The following MACROD2 variants were observed in gnomAD, a reference collection of about 807,000 sequenced individuals.
MACROD2 encodes mono-ADP ribosylhydrolase 2.
In MACROD2, 36 loss-of-function variants were observed where a neutral mutation model predicts 70.4. The observed-to-expected ratio is 0.51, with a 90% CI of 0.39 to 0.68. The LOEUF is 0.68. Among genes scored for constraint, MACROD2 ranks in the 30% least tolerant of loss-of-function variants. The pLI, the probability that MACROD2 is intolerant of heterozygous loss-of-function variation, is 0.00. For synonymous variants in MACROD2, 172 were observed against 178.8 expected (o/e 0.96, Z 0.30); for missense variants, 496 against 538.4 (o/e 0.92, Z 0.78).
intron 5 of MACROD2, among the ~76,000 whole-genome samples, chr20:15,202,844 G>A (rs1458897297): frequency 6.6e-6 from 1 of 152,084 alleles, no homozygotes; most frequent in Non-Finnish European, 1.5e-5. Flanking sequence ...AAAGTCAGAA[G>A]AGCAAAATGA....
chr20:15,192,601 A>G (rs2076579396), intron 5 of MACROD2, among the ~76,000 whole-genome samples: 1 of 152,148 alleles, frequency 6.6e-6, no homozygotes, highest in Non-Finnish European at 1.5e-5. Flanking sequence ...ATACTCAGGG[A>G]TCCCATTATC....
chr20:14,726,146 A>G (rs1480204494), intron 5 of MACROD2, among the ~76,000 whole-genome samples: 3 of 152,208 alleles, frequency 2.0e-5, no homozygotes, highest in African/African-American at 7.2e-5. Context: ...ATATTAACCA[A>G]TGGCTCAGTA....
At chr20:14,234,737 G>A (rs2081853466) in intron 3 of MACROD2, among the ~76,000 whole-genome samples, 1 of 152,064 alleles carries the variant, frequency 6.6e-6, no homozygotes, top group South Asian at 2.1e-4. Context: ...ACACACACAT[G>A]CATACAGACT....
chr20:15,333,757 A>G (rs2078018775), intron 6 of MACROD2, among the ~76,000 whole-genome samples: 1 of 151,628 alleles, frequency 6.6e-6, no homozygotes, highest in Non-Finnish European at 1.5e-5. Flanking sequence ...ACGATGTTCA[A>G]TATCCATTAG....
chr20:15,160,885 A>G (rs2076343628), intron 5 of MACROD2, among the ~76,000 whole-genome samples: 1 of 152,168 alleles, frequency 6.6e-6, no homozygotes, highest in Admixed American at 6.6e-5. Flanking sequence ...CCATGTGCCC[A>G]GAACCTATCT....
chr20:14,154,421 C>G (rs1228386265), intron 3 of MACROD2, among the ~76,000 whole-genome samples: 1 of 146,152 alleles, frequency 6.8e-6, no homozygotes, highest in Non-Finnish European at 1.5e-5. Context: ...GAGTCTTGCT[C>G]TGTCACCCAG....
intron 8 of MACROD2, among the ~76,000 whole-genome samples, chr20:15,566,510 AG>A (rs2048313390): frequency 6.7e-6 from 1 of 150,124 alleles, no homozygotes; most frequent in Admixed American, 6.6e-5. Context: ...AAAAAAAAAA[AG>A]GGAACAATTC....
Position 15,461,006 on chromosome 20 carries a change from A to ATATATATATATATTTT in MACROD2, c.571+29572_571+29573insATATATATATATTTTT. 8.6e-3 allele frequency among the ~76,000 whole-genome samples: 576 copies of ATATATATATATATTTT among 66,754 alleles called. 15 individuals carry two copies. The highest frequency in any genetic ancestry group is 0.015 in the Non-Finnish European group (454 of 30,282). 43.8% of individuals were successfully genotyped at this position (66,754 alleles called of 152,430 possible). Reference sequence around the variant, plus strand: ...TATATATATATATATATATATATATATTTTTTTTTAATAGATGGGGTCTTG... The same window carrying ATATATATATATATTTT: ...TATATATATATATATATATATATATATATATATATATATTTTTTTTTTTTTAATAGATGGGGTCTTG... On this transcript the variant is annotated intron_variant, in intron 7 of 17. Coordinates refer to ENST00000684519, the MANE Select transcript of MACROD2 (RefSeq NM_001351661.2).
intron 5 of MACROD2, among the ~76,000 whole-genome samples, chr20:15,072,963 G>A (rs2075630135): frequency 6.6e-6 from 1 of 151,984 alleles, no homozygotes. Flanking sequence ...CTTATAAGTG[G>A]GTTTGTTAGC....
intron 2 of MACROD2, among the ~76,000 whole-genome samples, chr20:14,070,691 G>A (rs1006296001): frequency 1.3e-5 from 2 of 152,104 alleles, no homozygotes; most frequent in Non-Finnish European, 2.9e-5. Flanking sequence ...TCAAAAGGGA[G>A]GAGGTTCACT....
chr20:15,675,320 G>A (rs192484680), intron 8 of MACROD2, among the ~76,000 whole-genome samples: 113 of 152,194 alleles, frequency 7.4e-4, no homozygotes, highest in Admixed American at 2.2e-3. Context: ...AGCCAGCTGC[G>A]CATCATAAAT....
At chr20:14,796,858 CAACA>C (rs1449354167) in intron 5 of MACROD2, among the ~76,000 whole-genome samples, 1 of 151,918 alleles carries the variant, frequency 6.6e-6, no homozygotes, top group Non-Finnish European at 1.5e-5. Flanking sequence ...TGCTTTCTCC[CAACA>C]AACCCCAGAC....
intron 13 of MACROD2, among the ~76,000 whole-genome samples, chr20:15,978,298 T>C (rs2066339830): frequency 6.6e-6 from 1 of 152,194 alleles, no homozygotes; most frequent in Non-Finnish European, 1.5e-5. Context: ...GCTGCATTCC[T>C]GGACCCTTAT....
At chr20:15,770,072 T>A (rs11699439) in intron 8 of MACROD2, among the ~76,000 whole-genome samples, 64,168 of 144,882 alleles carry the variant, frequency 0.44, 14,603 homozygotes, top group East Asian at 0.55. Context: ...TTTATTTTTT[T>A]AATTTATTTT....
intron 5 of MACROD2, among the ~76,000 whole-genome samples, chr20:15,142,454 GTAAGT>G (rs1270039621): frequency 6.6e-6 from 1 of 152,132 alleles, no homozygotes; most frequent in Non-Finnish European, 1.5e-5. Context: ...AGTTTGAAAT[GTAAGT>G]TTAGTTATGG....
chr20:15,134,298 C>A (rs775765819), intron 5 of MACROD2, among the ~76,000 whole-genome samples: 3 of 150,420 alleles, frequency 2.0e-5, no homozygotes, highest in Non-Finnish European at 4.5e-5. Context: ...CCGAGGCGGG[C>A]GGATCACGAG....
chr20:15,930,444 A>G (rs1467799258), intron 10 of MACROD2, among the ~76,000 whole-genome samples: 2 of 152,210 alleles, frequency 1.3e-5, no homozygotes, highest in Non-Finnish European at 2.9e-5. Context: ...CCAAGAATGC[A>G]TATGCTGGGC....
At chr20:14,543,302 A>G (rs1424850849) in intron 4 of MACROD2, among the ~76,000 whole-genome samples, 1 of 152,170 alleles carries the variant, frequency 6.6e-6, no homozygotes, top group Non-Finnish European at 1.5e-5. Context: ...AACAGCATGA[A>G]ATTTATAACT....
chr20:14,176,299 G>T (rs1183635517), intron 3 of MACROD2, among the ~76,000 whole-genome samples: 1 of 152,144 alleles, frequency 6.6e-6, no homozygotes, highest in Non-Finnish European at 1.5e-5. Context: ...TAAAACACAT[G>T]TAACAGATGG....
Sources: allele counts gnomAD v4.1 joint callset (sites outside exome capture counted in the v4.1 genomes callset), GRCh38; gene constraint gnomAD v4.1.1; transcripts MANE v1.5; gene names NCBI Gene and HGNC (gene_info 2026-07-23, HGNC 2026-07-21).